The following SAMD5 variants were observed in gnomAD, a reference collection of about 807,000 sequenced individuals.
SAMD5 encodes sterile alpha motif domain containing 5.
Under a neutral mutation model 11.3 loss-of-function variants are expected in SAMD5, and 13 were observed. The ratio of observed to expected loss-of-function variants is 1.15; its 90% confidence interval spans 0.75 to 1.83. The LOEUF is 1.83. Ranked by LOEUF, SAMD5 falls within the 40% of genes most tolerant of loss-of-function variation. SAMD5 has a pLI of 0.00. For missense variants in SAMD5, 255 were observed against 239.1 expected (o/e 1.07, Z -0.44); for synonymous variants, 129 against 111.3 (o/e 1.16, Z -1.00).
At chr6:147,558,221 G>A (rs1489197660) in intron 1 of SAMD5, among the ~76,000 whole-genome samples, 1 of 152,164 alleles carries the variant, frequency 6.6e-6, no homozygotes, top group Non-Finnish European at 1.5e-5. Flanking sequence ...ATAGGTTGAT[G>A]AGAGACAGAG....
At chr6:147,571,856 G>C (rs2128445401), downstream of SAMD5, among the ~76,000 whole-genome samples, 2 of 152,262 alleles carry the variant, frequency 1.3e-5, no homozygotes, top group East Asian at 3.9e-4. Flanking sequence ...CTGGTGAGCA[G>C]AGCTGTCTAA....
intron 1 of SAMD5, among the ~76,000 whole-genome samples, chr6:147,626,858 A>G (rs1359836655): frequency 6.6e-6 from 1 of 150,810 alleles, no homozygotes; most frequent in Non-Finnish European, 1.5e-5. Context: ...AGTACTTAGC[A>G]TACTGCCTGG....
At chr6:147,922,431 G>C in the SAMD5 span, among the ~76,000 whole-genome samples, 1 of 152,130 alleles carries the variant, frequency 6.6e-6, no homozygotes, top group African/African-American at 2.4e-5. Flanking sequence ...GGTGTATGTG[G>C]GTTGTTAGGA....
At chr6:147,736,041 C>G (rs920326092) in intron 1 of SAMD5, among the ~76,000 whole-genome samples, 4 of 152,022 alleles carry the variant, frequency 2.6e-5, no homozygotes, top group Non-Finnish European at 5.9e-5. Flanking sequence ...GTATTAAGGT[C>G]CTACCATAAT....
At chr6:147,800,552 G>A in the SAMD5 span, among the ~76,000 whole-genome samples, 6 of 152,356 alleles carry the variant, frequency 3.9e-5, no homozygotes, top group South Asian at 1.2e-3. Flanking sequence ...CAGAGGTGGA[G>A]CCTACAGAGG....
the SAMD5 span, among the ~76,000 whole-genome samples, chr6:147,831,982 T>C: frequency 6.6e-6 from 1 of 152,026 alleles, no homozygotes; most frequent in Non-Finnish European, 1.5e-5. Context: ...TTTCAAGAAG[T>C]TATTTTTTTT....
chr6:147,875,197 A>G, the SAMD5 span, among the ~76,000 whole-genome samples: 1 of 152,186 alleles, frequency 6.6e-6, no homozygotes, highest in East Asian at 1.9e-4. Context: ...ATTTTGGTTT[A>G]CATTATATGC....
At chr6:147,632,185 C>G (rs1014301301) in intron 1 of SAMD5, among the ~76,000 whole-genome samples, 1 of 152,104 alleles carries the variant, frequency 6.6e-6, no homozygotes, top group Non-Finnish European at 1.5e-5. Context: ...GGATCTGATG[C>G]CTTTTGATGG....
the SAMD5 span, among the ~76,000 whole-genome samples, chr6:147,756,880 T>C: frequency 6.6e-6 from 1 of 152,198 alleles, no homozygotes; most frequent in South Asian, 2.1e-4. Flanking sequence ...TTAAAAAGTT[T>C]GTTGGCATTA....
At chr6:147,770,927 G>A in the SAMD5 span, among the ~76,000 whole-genome samples, 3 of 152,056 alleles carry the variant, frequency 2.0e-5, no homozygotes, top group African/African-American at 7.3e-5. Context: ...TCATTCTACA[G>A]AGATGATAAA....
chr6:147,647,420 G>C (rs927172016), intron 1 of SAMD5, among the ~76,000 whole-genome samples: 2 of 151,882 alleles, frequency 1.3e-5, no homozygotes, highest in Admixed American at 1.3e-4. Context: ...CTTGAAAGAG[G>C]GGGGTTTGAA....
chr6:147,899,189 A>AAAAAAAAAAAAAAAAAAAAAAACAAAAG, the SAMD5 span, among the ~76,000 whole-genome samples: 1 of 123,458 alleles, frequency 8.1e-6, no homozygotes, highest in African/African-American at 3.8e-5. Context: ...AAAAAAAAAA[A>AAAAAAAAAAAAAAAAAAAAAAACAAAAG]AAAAGATAAC....
At chr6:147,886,633 A>G in the SAMD5 span, among the ~76,000 whole-genome samples, 23 of 152,068 alleles carry the variant, frequency 1.5e-4, no homozygotes, top group Non-Finnish European at 3.1e-4. Flanking sequence ...AGCAGACTTA[A>G]TCTCTCTCTC....
intron 1 of SAMD5, among the ~76,000 whole-genome samples, chr6:147,725,734 G>A (rs2128459602): frequency 6.6e-6 from 1 of 152,204 alleles, no homozygotes; most frequent in East Asian, 1.9e-4. Flanking sequence ...TGAAGTGGCT[G>A]TTGTCTCATT....
the SAMD5 span, among the ~76,000 whole-genome samples, chr6:147,768,954 C>A: frequency 6.6e-5 from 10 of 152,110 alleles, no homozygotes; most frequent in East Asian, 1.9e-3. Context: ...CCACCATGCC[C>A]AGCTAATTTT....
chr6:147,843,814 C>G, the SAMD5 span, among the ~76,000 whole-genome samples: 1 of 152,114 alleles, frequency 6.6e-6, no homozygotes, highest in Non-Finnish European at 1.5e-5. Flanking sequence ...AAAATTATCC[C>G]TTATCTGACC....
At chr6:147,526,811 G>A (rs1309802446) in intron 1 of SAMD5, among the ~76,000 whole-genome samples, 4 of 143,324 alleles carry the variant, frequency 2.8e-5, no homozygotes, top group African/African-American at 1.0e-4. Flanking sequence ...GGCGGCAATG[G>A]GATGGGAGAA....
intron 1 of SAMD5, among the ~76,000 whole-genome samples, chr6:147,713,586 G>A (rs1005274557): frequency 4.6e-5 from 7 of 152,142 alleles, no homozygotes; most frequent in Non-Finnish European, 7.3e-5. Flanking sequence ...TAAGCTGTAG[G>A]AGCAGGAAAA....
chr6:147,928,699 G>C, the SAMD5 span, among the ~76,000 whole-genome samples: 1 of 151,830 alleles, frequency 6.6e-6, no homozygotes, highest in Admixed American at 6.6e-5. Flanking sequence ...CTTGTTTTCT[G>C]CTAGCATTGG....
Sources: gnomAD v4.1 joint callset for allele counts (sites outside exome capture counted in the v4.1 genomes callset) on GRCh38, gnomAD v4.1.1 for gene constraint, MANE v1.5 for transcripts, NCBI Gene and HGNC (gene_info 2026-07-23, HGNC 2026-07-21) for gene names.